VGLL4: variants seen among roughly 807,000 people sequenced by gnomAD.
The protein encoded by VGLL4 is transcription cofactor vestigial-like protein 4.
In VGLL4, 7 loss-of-function variants were observed where a neutral mutation model predicts 21.0. The ratio of observed to expected loss-of-function variants is 0.33; its 90% CI spans 0.19 to 0.63. The LOEUF (loss-of-function observed/expected upper bound fraction) is 0.63. VGLL4 is among the 20% of genes least tolerant of loss of function. The pLI, the probability that VGLL4 is intolerant of heterozygous loss-of-function variation, is 0.78. For synonymous variants in VGLL4, 222 were observed against 173.2 expected (o/e 1.28, Z -2.21); for missense variants, 394 against 425.7 (o/e 0.93, Z 0.66).
At chr3:11,567,031 C>T (rs913675976) in intron 2 of VGLL4, among the ~76,000 whole-genome samples, 11 of 152,114 alleles carry the variant, frequency 7.2e-5, no homozygotes, top group African/African-American at 2.7e-4. Flanking sequence ...ATGGACCCTG[C>T]GGCCCAGTCG....
chr3:11,624,820 C>T (rs3906725), intron 1 of VGLL4, among the ~76,000 whole-genome samples: 4,405 of 152,224 alleles, frequency 0.029, 147 homozygotes, highest in African/African-American at 0.082. Flanking sequence ...CTTAACTGTA[C>T]CAGCTAGTCT....
rs76695644 is a variant in VGLL4, at chr3:11,570,886, G to T, written c.273-5867C>A. 9.7e-3 allele frequency among the ~76,000 whole-genome samples: 1,474 copies of T among 152,274 alleles called. 13 individuals carry two copies. Among genetic ancestry groups the T allele is most frequent in the Non-Finnish European group, 0.017 (1,168 of 68,034 alleles). ...TCATCACCGTGGCTTCTCTCCCCTT[G>T]TGAGTGGGAGAATTCACTGCTTCCC... On this transcript the variant is annotated intron_variant, in intron 2 of 4. Transcript: ENST00000430365.
intron 1 of VGLL4, among the ~76,000 whole-genome samples, chr3:11,608,708 A>G (rs2074998646): frequency 1.3e-5 from 2 of 152,168 alleles, no homozygotes; most frequent in Admixed American, 6.5e-5. Flanking sequence ...TTCTAAGACT[A>G]TTTCCTACAT....
At chr3:11,716,652 T>C (rs1285693954) in intron 1 of VGLL4, among the ~76,000 whole-genome samples, 1 of 152,232 alleles carries the variant, frequency 6.6e-6, no homozygotes, top group African/African-American at 2.4e-5. Context: ...TTTCTCTCTT[T>C]GCAAAAGTGC....
intron 2 of VGLL4, among the ~76,000 whole-genome samples, chr3:11,661,491 G>A (rs994177433): frequency 3.0e-4 from 39 of 129,144 alleles, no homozygotes; most frequent in African/African-American, 1.0e-3. Context: ...TTATTTTTGA[G>A]AGGAAGTCTT....
Position 11,573,368 on chromosome 3 carries a change from A to G in VGLL4, c.273-8349T>C, listed in dbSNP as rs12492835. 2.2e-3 allele frequency among the ~76,000 whole-genome samples: 316 copies of G among 142,344 alleles called. 2 individuals carry two copies. Among genetic ancestry groups the G allele is most frequent in the Non-Finnish European group, 3.5e-3 (229 of 64,748 alleles). The allele number at this position is 142,344 out of a possible 152,430, so 93.4% of individuals were successfully genotyped here. ...GAAAGAAAGAAAGAAAGAAAGAAAG[A>G]AAGAAAGAAAGAAAGAAAGAAAGAA... is the stretch of plus-strand genomic sequence containing the variant. On this transcript the variant is annotated intron_variant, in intron 2 of 4. Transcript: ENST00000430365.
At chr3:11,615,654 G>A (rs2075148221) in intron 1 of VGLL4, among the ~76,000 whole-genome samples, 1 of 151,998 alleles carries the variant, frequency 6.6e-6, no homozygotes, top group Non-Finnish European at 1.5e-5. Context: ...TTTTTTGTTT[G>A]GGTTCTGTTT....
At chr3:11,607,006 T>A (rs1383832918) in intron 1 of VGLL4, among the ~76,000 whole-genome samples, 1 of 152,150 alleles carries the variant, frequency 6.6e-6, no homozygotes, top group Non-Finnish European at 1.5e-5. Context: ...GGACACAGCA[T>A]GGCCATGGTG....
rs575356624 is a variant in VGLL4, at chr3:11,558,470, C to A, written c.*86G>T. ...CCCTTCCCTTCCCCCCACCCCACCC[C>A]CATGATTTTTTTTTTTTTAAGTACT... is the stretch of plus-strand genomic sequence containing the variant. On this transcript the variant is annotated 3_prime_UTR_variant, in exon 5 of 5. Coordinates refer to ENST00000430365, the MANE Select transcript of VGLL4 (RefSeq NM_001128219.3). 8.6e-5 allele frequency: 117 copies of A among 1,362,382 alleles called. No individual in the cohort carries two copies. The East Asian group carries it at 2.6e-3, about 30-fold the overall frequency. The allele number at this position is 1,362,382 out of a possible 1,614,324, so 84.4% of individuals were successfully genotyped here.
intron 2 of VGLL4, among the ~76,000 whole-genome samples, chr3:11,600,525 TC>T (rs2074768956): frequency 6.6e-6 from 1 of 152,208 alleles, no homozygotes; most frequent in Non-Finnish European, 1.5e-5. Context: ...TGCAGGGCCT[TC>T]CTGCTGGATT....
At chr3:11,611,428 C>T (rs970350962) in intron 1 of VGLL4, among the ~76,000 whole-genome samples, 1 of 152,140 alleles carries the variant, frequency 6.6e-6, no homozygotes, top group African/African-American at 2.4e-5. Flanking sequence ...GAAATAAGCC[C>T]GCTGAGTCTT....
At chr3:11,695,048 CATTCT>C (rs2076584613) in intron 2 of VGLL4, among the ~76,000 whole-genome samples, 1 of 145,860 alleles carries the variant, frequency 6.9e-6, no homozygotes, top group African/African-American at 2.6e-5. Flanking sequence ...GGAATGTTCT[CATTCT>C]TTTTTTTTTT....
At chr3:11,631,255 T>A (rs185125063) in intron 1 of VGLL4, among the ~76,000 whole-genome samples, 2 of 149,110 alleles carry the variant, frequency 1.3e-5, no homozygotes, top group South Asian at 4.4e-4. Context: ...GCGATGAGAA[T>A]GCTCTCCCTC....
chr3:11,672,434 AT>A (rs2076230443), intron 2 of VGLL4, among the ~76,000 whole-genome samples: 5 of 152,174 alleles, frequency 3.3e-5, no homozygotes, highest in Admixed American at 3.3e-4. Flanking sequence ...ATGTTTAAAA[AT>A]ATCTTAATTC....
chr3:11,695,290 C>T (rs185086205), intron 2 of VGLL4, among the ~76,000 whole-genome samples: 2 of 152,136 alleles, frequency 1.3e-5, no homozygotes, highest in African/African-American at 2.4e-5. Context: ...CCTCATGATC[C>T]ACCTGCCTCA....
rs918510514 is a variant in VGLL4 at position 11,653,176 on chromosome 3, G to A, written c.64+49795C>T. Reference sequence around the variant, plus strand: ...CAGTGCTTCATTCATTATGCAGCACGCTAAGCACCTCCACAGTCATCCTTC... The same window carrying A: ...CAGTGCTTCATTCATTATGCAGCACACTAAGCACCTCCACAGTCATCCTTC... On this transcript the variant is annotated intron_variant, in intron 2 of 5. Coordinates refer to the VGLL4 transcript ENST00000273038. This position sits in a 1 kb window ranked among gnomAD's most constrained non-coding sequence, Gnocchi z 4.2. Among the ~76,000 whole-genome samples the A allele has an allele frequency of 6.6e-5, 10 of 152,156 alleles. No homozygotes were observed. The highest frequency in any genetic ancestry group is 1.3e-4 in the Admixed American group (2 of 15,274).
At position 11,568,498 on chromosome 3, in the gene VGLL4, G is replaced by A. The variant is rs2073636350; in HGVS notation, c.273-3479C>T. 2 of 1,455,248 alleles carry A rather than the reference G, an allele frequency of 1.4e-6. No individual in the cohort carries two copies. The highest frequency in any genetic ancestry group is 1.4e-5 in the African/African-American group (1 of 71,112). The allele number at this position is 1,455,248 out of a possible 1,614,324, so 90.1% of individuals were successfully genotyped here. A position where few individuals can be genotyped will look rare whatever the true frequency, so the allele number is the denominator to read the frequency against. On this transcript the variant is annotated intron_variant, in intron 2 of 4. Coordinates refer to ENST00000430365, the MANE Select transcript of VGLL4 (RefSeq NM_001128219.3). The surrounding 1 kb of genome is among the most constrained non-coding windows in gnomAD (Gnocchi z 5.9). ...CCCACTAACTGGAAAGACAGTCCGT[G>A]GAACACAGCACAGTGGGCACTATGG...
At chr3:11,715,948 A>G (rs1214908552) in intron 1 of VGLL4, among the ~76,000 whole-genome samples, 1 of 152,194 alleles carries the variant, frequency 6.6e-6, no homozygotes, top group African/African-American at 2.4e-5. Context: ...GCTGAGGAAC[A>G]TTAGACAGCA....
chr3:11,577,893 C>A (rs1440172142), intron 2 of VGLL4, among the ~76,000 whole-genome samples: 3 of 152,214 alleles, frequency 2.0e-5, no homozygotes, highest in African/African-American at 7.2e-5. Flanking sequence ...GTCAACCTTG[C>A]CATGCCCAGA....
Sources: allele counts gnomAD v4.1 joint callset (sites outside exome capture counted in the v4.1 genomes callset), GRCh38; gene constraint gnomAD v4.1.1; non-coding constraint Gnocchi (gnomAD v3.1); transcripts MANE v1.5; gene names NCBI Gene and HGNC (gene_info 2026-07-23, HGNC 2026-07-21).